OPTN: variants seen among roughly 807,000 people sequenced by gnomAD.
OPTN encodes optineurin.
OPTN carries 54 observed loss-of-function variants against 70.4 expected under a neutral mutation model. The ratio of observed to expected loss-of-function variants is 0.77; its 90% CI spans 0.62 to 0.96. The LOEUF (loss-of-function observed/expected upper bound fraction) is 0.96, where lower values mean the gene tolerates loss of function less well. OPTN is among the 40% of genes least tolerant of loss of function. The probability of loss-of-function intolerance (pLI) is 0.00; values close to 1 mark genes in which losing one functional copy is unlikely to be tolerated. For synonymous variants in OPTN, 256 were observed against 248.5 expected (o/e 1.03, Z -0.28); for missense variants, 624 against 673.2 (o/e 0.93, Z 0.81).
chr10:13,105,186 A>C (rs532691190), intron 1 of OPTN, among the ~76,000 whole-genome samples: 1 of 152,210 alleles, frequency 6.6e-6, no homozygotes, highest in South Asian at 2.1e-4. Context: ...ATGTTTGATG[A>C]CATTTGAATT....
At chr10:13,114,957 C>CTATATTTATA (rs1276381136) in intron 5 of OPTN, among the ~76,000 whole-genome samples, 4 of 52,798 alleles carry the variant, frequency 7.6e-5, no homozygotes, top group African/African-American at 3.1e-4. Context: ...ATAGATATAT[C>CTATATTTATA]TATATTTATA....
At chr10:13,131,497 A>G (rs1833592959) in intron 12 of OPTN, 1 of 154,142 alleles carries the variant, frequency 6.5e-6, no homozygotes, top group Admixed American at 6.4e-5. Flanking sequence ...TGGCCACTTA[A>G]CAAATTTTCC....
At chr10:13,125,601 G>A (rs1833441129) in intron 10 of OPTN, 34 bp downstream of exon 10, 2 of 1,612,652 alleles carry the variant, frequency 1.2e-6, no homozygotes, top group East Asian at 2.2e-5. Context: ...CAGCGACGGG[G>A]CAGAGGAGGG....
chr10:13,112,752 A>ATCTTT, intron 5 of OPTN, 117 bp downstream of exon 5: 1 of 1,020,006 alleles, frequency 9.8e-7, no homozygotes, highest in Non-Finnish European at 1.5e-6. Flanking sequence ...ATTCCAGTGT[A>ATCTTT]GCAAAGATAA....
intron 5 of OPTN, among the ~76,000 whole-genome samples, chr10:13,113,633 C>T (rs969490664): frequency 6.6e-6 from 1 of 152,098 alleles, no homozygotes; most frequent in African/African-American, 2.4e-5. Context: ...CAGAGCAGGT[C>T]GATGCACCAG....
At position 13,122,382 on chromosome 10, in the gene OPTN, CAG is replaced by C. The variant is rs757559365; in HGVS notation, c.780_781del. On this transcript the variant is annotated splice_acceptor_variant, in intron 7 of 14. Transcript: ENST00000378747. LOFTEE classifies it high-confidence loss of function. ...AACTTTTCTATCTTCTGTGATTTTC[CAG>C]AGTTTCAGATTTTGAAAAGAAAACA... 7.5e-6 allele frequency: 12 copies of C among 1,604,382 alleles called. No individual in the cohort carries two copies. The highest frequency in any genetic ancestry group is 1.3e-5 in the African/African-American group (1 of 74,700).
intron 3 of OPTN, 26 bp from the exon 4 acceptor site, chr10:13,110,248 A>G: frequency 6.2e-7 from 1 of 1,611,890 alleles, no homozygotes; most frequent in Non-Finnish European, 8.5e-7. Flanking sequence ...CTGGTGTGTG[A>G]CTCCATCACT....
intron 5 of OPTN, among the ~76,000 whole-genome samples, chr10:13,113,385 A>G (rs1357061709): frequency 1.3e-5 from 2 of 152,190 alleles, no homozygotes; most frequent in East Asian, 1.9e-4. Context: ...AAAAAGAAGA[A>G]GAGGAGAAAA....
At chr10:13,110,895 T>C (rs575966295) in intron 4 of OPTN, among the ~76,000 whole-genome samples, 1 of 152,240 alleles carries the variant, frequency 6.6e-6, no homozygotes, top group Non-Finnish European at 1.5e-5. Context: ...AAAATGGAGA[T>C]TATTCACTTT....
At chr10:13,107,953 T>G (rs1436174965) in intron 1 of OPTN, among the ~76,000 whole-genome samples, 185 bp from the exon 2 acceptor site, 3 of 152,110 alleles carry the variant, frequency 2.0e-5, no homozygotes, top group Non-Finnish European at 2.9e-5. Context: ...AGAAGCAGAG[T>G]GGGGATTTAC....
At chr10:13,130,293 C>T (rs535217069) in intron 12 of OPTN, among the ~76,000 whole-genome samples, 2 of 151,674 alleles carry the variant, frequency 1.3e-5, no homozygotes, top group South Asian at 4.2e-4. Context: ...AGCGTGTTGG[C>T]GGGCACCTGT....
rs908782534 is a variant in OPTN at position 13,119,035 on chromosome 10, A to C, written c.774A>C (p.Lys258Asn). 1 of 1,614,096 alleles carries C rather than the reference A, an allele frequency of 6.2e-7. No homozygotes were observed. The highest frequency in any genetic ancestry group is 8.5e-7 in the Non-Finnish European group (1 of 1,179,950). Residue 258 changes from lysine to asparagine, a missense_variant, in exon 7 of 15, where the codon AAA (lysine) becomes AAC (asparagine). Transcript: ENST00000378747. ...TTGAAGTTGCACTCAAGGAGGCCAA[A>C]GAAAGGTATGAAATAGGTTAACTTG... ...ERLEVALKEA[K>N]ERVSDFEKKT...
chr10:13,112,551 C>A lies in OPTN; in HGVS notation c.468C>A (p.Asp156Glu), dbSNP rs1833032323. The change falls in exon 5 of 15, where the codon GAC (aspartate) becomes GAA (glutamate). Residue 156 changes from aspartate (D) to glutamate (E), a missense_variant. Coordinates refer to ENST00000378747, the MANE Select transcript of OPTN (RefSeq NM_001008212.2). Reference sequence around the variant, plus strand: ...TGAGGCTACAAGCAGAGAAGGCAGACCTGTTGGGCATCGTGTCTGAACTGC... The same window carrying A: ...TGAGGCTACAAGCAGAGAAGGCAGAACTGTTGGGCATCGTGTCTGAACTGC... ...QVVRLQAEKA[D>E]LLGIVSELQL... The A allele has an allele frequency of 6.2e-7, 1 of 1,614,016 alleles. No individual in the cohort carries two copies. The highest frequency in any genetic ancestry group is 1.1e-5 in the South Asian group (1 of 91,080).
Position 13,133,508 on chromosome 10 carries a change from C to G in OPTN, c.1539C>G (p.Ser513=). The G allele has an allele frequency of 1.9e-6, 3 of 1,614,060 alleles. No homozygotes were observed. Among genetic ancestry groups the G allele is most frequent in the Non-Finnish European group, 1.7e-6 (2 of 1,179,982 alleles). ...TTGCTTTTCGTCCTGGCAGGCAGTCCTTGATGGAGATGCAGAGTCGTCATG... is the reference window on the plus strand; with the variant it reads ...TTGCTTTTCGTCCTGGCAGGCAGTCGTTGATGGAGATGCAGAGTCGTCATG... ...NDAFEDGGRQ[S]LMEMQSRHGA... is the part of the protein sequence containing the mutation. The change falls in exon 14 of 15, where the codon TCC becomes TCG. Residue 513 remains serine (S), a synonymous_variant. Transcript: ENST00000378747.
intron 4 of OPTN, 42 bp from the exon 5 acceptor site, chr10:13,112,411 T>C: frequency 1.9e-6 from 3 of 1,590,664 alleles, no homozygotes; most frequent in Non-Finnish European, 2.6e-6. Context: ...TGCCCAGCCT[T>C]AGTTTGATCT....
At chr10:13,131,306 C>A (rs971795252) in intron 12 of OPTN, 2 of 152,298 alleles carry the variant, frequency 1.3e-5, no homozygotes, top group African/African-American at 4.8e-5. Context: ...ACTTCTGCGG[C>A]ATCCTGGAGG....
chr10:13,133,728 C>T, intron 14 of OPTN, 147 bp downstream of exon 14: 1 of 737,600 alleles, frequency 1.4e-6, no homozygotes, highest in South Asian at 1.5e-5. Context: ...CCACAGCACT[C>T]CCATCTCCAT....
chr10:13,110,482 C>G lies in OPTN; in HGVS notation c.369+6C>G, dbSNP rs758583995. Reference sequence around the variant, plus strand: ...AATCAGAAAGGTCATCTGAGGTGAGCAGACCGATCCATTGTGATGTTGTTT... The same window carrying G: ...AATCAGAAAGGTCATCTGAGGTGAGGAGACCGATCCATTGTGATGTTGTTT... On this transcript the variant is annotated splice_donor_region_variant and intron_variant, in intron 4 of 14. Transcript: ENST00000378747. The G allele has an allele frequency of 5.0e-6, 8 of 1,606,390 alleles. No homozygotes were observed. In the Admixed American group the frequency reaches 1.0e-4, roughly 20 times the overall value.
At chr10:13,117,077 T>TCC in intron 6 of OPTN, among the ~76,000 whole-genome samples, 1 of 76,990 alleles carries the variant, frequency 1.3e-5, no homozygotes, top group African/African-American at 5.0e-5. Flanking sequence ...ACTCTAAGGA[T>TCC]CTCTTTTTTT....
Sources: gnomAD v4.1 joint callset for allele counts (sites outside exome capture counted in the v4.1 genomes callset) on GRCh38, gnomAD v4.1.1 for gene constraint, MANE v1.5 for transcripts, NCBI Gene and HGNC (gene_info 2026-07-23, HGNC 2026-07-21) for gene names.